The following DISP3 variants were observed in gnomAD, a reference collection of about 807,000 sequenced individuals.
The protein encoded by DISP3 is protein dispatched homolog 3.
DISP3 carries 101 observed loss-of-function variants against 135.3 expected under a neutral mutation model. That is an observed-to-expected ratio of 0.75 (90% CI 0.64 to 0.88). The LOEUF (loss-of-function observed/expected upper bound fraction) is 0.88, where lower values mean the gene tolerates loss of function less well. DISP3 is among the 40% of genes least tolerant of loss of function. The pLI is 0.00. For synonymous variants in DISP3, 856 were observed against 817.0 expected (o/e 1.05, Z -0.81); for missense variants, 1,713 against 1,878.6 (o/e 0.91, Z 1.63).
At chr1:11,494,756 G>GC (rs1641283950) in intron 1 of DISP3, among the ~76,000 whole-genome samples, 1 of 152,206 alleles carries the variant, frequency 6.6e-6, no homozygotes, top group East Asian at 1.9e-4. Flanking sequence ...GCTCCTAATT[G>GC]CCGTTAAATT....
rs2100525882 is a variant in DISP3 at position 11,537,435 on chromosome 1, G to GTCTT, written c.*752_*755dup. On this transcript the variant is annotated 3_prime_UTR_variant, in exon 21 of 21. Transcript: ENST00000294484. ...GCTTTCCTCATGGATCTAAGCCCCT[G>GTCTT]TCTTTCCCACCTGACTCTGAGTGGA... The GTCTT allele has an allele frequency of 6.6e-6, 1 of 152,520 alleles. No individual in the cohort carries two copies. Among genetic ancestry groups the GTCTT allele is most frequent in the Admixed American group, 6.5e-5 (1 of 15,314 alleles). The allele number at this position is 152,520 out of a possible 1,614,324, so 9.4% of individuals were successfully genotyped here.
At chr1:11,500,541 A>C (rs1641474418) in intron 1 of DISP3, among the ~76,000 whole-genome samples, 1 of 152,278 alleles carries the variant, frequency 6.6e-6, no homozygotes, top group Admixed American at 6.5e-5. Flanking sequence ...TTTCCCTTGC[A>C]CCCTGATACT....
intron 2 of DISP3, 76 bp from the exon 3 acceptor site, chr1:11,502,602 G>T: frequency 8.3e-7 from 1 of 1,200,796 alleles, no homozygotes; most frequent in East Asian, 2.5e-5. Context: ...GCTGCAATGA[G>T]ACTGGATGAC....
rs775938629 is a variant in DISP3 at position 11,534,397 on chromosome 1, A to G, written c.3392A>G (p.Lys1131Arg). 2.5e-6 allele frequency: 4 copies of G among 1,614,096 alleles called. No individual in the cohort carries two copies. The highest frequency in any genetic ancestry group is 1.3e-5 in the African/African-American group (1 of 74,944). Residue 1131 changes from lysine (K) to arginine (R), a missense_variant, in exon 18 of 21, where the codon AAA becomes AGA. Coordinates refer to ENST00000294484, the MANE Select transcript of DISP3 (RefSeq NM_020780.2). ...MAFESTTYKGKSSFQTYSDYL... is the reference protein window; with the variant it reads ...MAFESTTYKGRSSFQTYSDYL... ...TCCCCACAGACCACGTACAAGGGCA[A>G]ATCCTCCTTCCAGACCTACTCGGAC...
At chr1:11,526,078 C>T (rs771610436) in intron 12 of DISP3, among the ~76,000 whole-genome samples, 8 of 152,208 alleles carry the variant, frequency 5.3e-5, no homozygotes, top group Non-Finnish European at 7.3e-5. Context: ...CAGGGACACG[C>T]GCCAATTCAT....
rs1235921831 is a variant in DISP3 at position 11,499,068 on chromosome 1, G to A, written c.-3-1922G>A. Among the ~76,000 whole-genome samples, 9 of 152,288 alleles carry A rather than the reference G, an allele frequency of 5.9e-5. No homozygotes were observed. The highest frequency in any genetic ancestry group is 1.7e-4 in the African/African-American group (7 of 41,550). ...GGGAAAGCTTCTTGGAAGAGGTAAC[G>A]CTTGAGCAAGGACTTGCATGATGAA... On this transcript the variant is annotated intron_variant, in intron 1 of 20. Coordinates refer to ENST00000294484, the MANE Select transcript of DISP3 (RefSeq NM_020780.2). The surrounding 1 kb of genome is among the most constrained non-coding windows in gnomAD (Gnocchi z 5.2).
chr1:11,517,631 C>G (rs1233780070), intron 7 of DISP3, 29 bp downstream of exon 7: 8 of 1,608,992 alleles, frequency 5.0e-6, no homozygotes, highest in South Asian at 2.2e-5. Context: ...CCACCCACAG[C>G]AGGGTATCCA....
At chr1:11,518,990 C>T (rs1268793568) in intron 7 of DISP3, among the ~76,000 whole-genome samples, 2 of 152,182 alleles carry the variant, frequency 1.3e-5, no homozygotes, top group Non-Finnish European at 2.9e-5. Flanking sequence ...CTGTTCCCTC[C>T]TCCTGGCTCC....
intron 3 of DISP3, among the ~76,000 whole-genome samples, chr1:11,513,946 AT>A (rs1285812800): frequency 1.7e-5 from 1 of 57,812 alleles, no homozygotes; most frequent in Non-Finnish European, 3.7e-5. Context: ...CAGCCTGGTT[AT>A]GTTTTTTTTT....
At chr1:11,517,241 G>A (rs1422015923) in intron 6 of DISP3, among the ~76,000 whole-genome samples, 1 of 152,234 alleles carries the variant, frequency 6.6e-6, no homozygotes. Flanking sequence ...CTCCACTTGA[G>A]GTGGGGACCC....
At chr1:11,489,254 A>G (rs1266549642) in intron 1 of DISP3, among the ~76,000 whole-genome samples, 1 of 152,166 alleles carries the variant, frequency 6.6e-6, no homozygotes, top group African/African-American at 2.4e-5. Flanking sequence ...TTAGCTTCTG[A>G]TGTATCCTCC....
chr1:11,502,074 T>C lies in DISP3; in HGVS notation c.1082T>C (p.Leu361Pro). The C allele has an allele frequency of 6.4e-7, 1 of 1,564,510 alleles. No individual in the cohort carries two copies. The highest frequency in any genetic ancestry group is 1.2e-5 in the South Asian group (1 of 84,692). ...KIYYDGMGQDLADIRGSLELA... is the reference protein window; with the variant it reads ...KIYYDGMGQDPADIRGSLELA... ...TACTATGACGGCATGGGCCAGGACC[T>C]GGCGGACATCCGGGGTGAGCCGCCG... The change falls in exon 2 of 21, where the codon CTG (leucine) becomes CCG (proline). Residue 361 changes from leucine (L) to proline (P), a missense_variant. Around this residue, in one of 2 missense-constraint regions of DISP3, gnomAD observed 571 missense variants for 494.1 expected, o/e 1.16. Transcript: ENST00000294484.
At chr1:11,488,889 C>A (rs939462208) in intron 1 of DISP3, among the ~76,000 whole-genome samples, 1 of 152,178 alleles carries the variant, frequency 6.6e-6, no homozygotes. Flanking sequence ...GAGGAGAAAA[C>A]CTACGCAAAA....
rs1267847694 is a variant in DISP3 at position 11,491,279 on chromosome 1, C to T, written c.-3-9711C>T. On this transcript the variant is annotated intron_variant, in intron 1 of 20. Coordinates refer to ENST00000294484, the MANE Select transcript of DISP3 (RefSeq NM_020780.2). This position sits in a 1 kb window ranked among gnomAD's most constrained non-coding sequence, Gnocchi z 4.3. Reference sequence around the variant, plus strand: ...TTTTCCAAGAATGCTTCTGGACCGCCTGTATCAGAATCACCTGGGGAGGTG... The same window carrying T: ...TTTTCCAAGAATGCTTCTGGACCGCTTGTATCAGAATCACCTGGGGAGGTG... 6.6e-6 allele frequency among the ~76,000 whole-genome samples: 1 copy of T among 152,178 alleles called. No individual in the cohort carries two copies. Among genetic ancestry groups the T allele is most frequent in the African/African-American group, 2.4e-5 (1 of 41,426 alleles).
Position 11,531,056 on chromosome 1 carries a change from G to A in DISP3, c.3229+23G>A, listed in dbSNP as rs1445322533. On this transcript the variant is annotated intron_variant, in intron 16 of 20. Coordinates refer to ENST00000294484, the MANE Select transcript of DISP3 (RefSeq NM_020780.2). This position sits in a 1 kb window ranked among gnomAD's most constrained non-coding sequence, Gnocchi z 5.2. ...CAGGTGCGTGGGGTGTGGGGAGCTG[G>A]TTCCTCCGAGGGAGGATGGACTGAC... The A allele has an allele frequency of 6.2e-7, 1 of 1,611,752 alleles. No homozygotes were observed. Among genetic ancestry groups the A allele is most frequent in the Non-Finnish European group, 8.5e-7 (1 of 1,179,780 alleles).
At position 11,531,702 on chromosome 1, in the gene DISP3, T is replaced by C. The variant is rs767562554; in HGVS notation, c.3367T>C (p.Phe1123Leu). 1 of 1,600,770 alleles carries C rather than the reference T, an allele frequency of 6.2e-7. No homozygotes were observed. The highest frequency in any genetic ancestry group is 8.5e-7 in the Non-Finnish European group (1 of 1,172,862). The change falls in exon 17 of 21, where the codon TTC becomes CTC. Residue 1123 changes from phenylalanine to leucine, a missense_variant. Coordinates refer to ENST00000294484, the MANE Select transcript of DISP3 (RefSeq NM_020780.2). The surrounding 1 kb of genome is among the most constrained non-coding windows in gnomAD (Gnocchi z 5.2). ...CCGCGTGCAGTGGATCTCCATGGCT[T>C]TCGAGTCGGTGAGCCCAGGCAGCCT... ...EGRVQWISMA[F>L]ESTTYKGKSS...
At chr1:11,526,567 G>A (rs985815702) in intron 12 of DISP3, 84 bp from the exon 13 acceptor site, 1 of 1,434,370 alleles carries the variant, frequency 7.0e-7, no homozygotes, top group African/African-American at 1.4e-5. Context: ...ATGCCGAGGA[G>A]GGAGGGGACG....
At position 11,514,497 on chromosome 1, in the gene DISP3, C is replaced by T; in HGVS notation, c.1424C>T (p.Ala475Val). ...TTCATCAGCAGCAGCTGCATTGCTG[C>T]CCTGGTCTACATCCTCACCTCCTGC... ...LAFISSSCIA[A>V]LVYILTSCSV... Residue 475 changes from alanine (A) to valine (V), a missense_variant, in exon 4 of 21, where the codon GCC becomes GTC. Around this residue, in one of 2 missense-constraint regions of DISP3, gnomAD observed 1,142 missense variants for 1,384.6 expected, o/e 0.82. Coordinates refer to ENST00000294484, the MANE Select transcript of DISP3 (RefSeq NM_020780.2). 6.2e-7 allele frequency: 1 copy of T among 1,614,158 alleles called. No individual in the cohort carries two copies. Among genetic ancestry groups the T allele is most frequent in the Non-Finnish European group, 8.5e-7 (1 of 1,180,006 alleles).
chr1:11,483,634 G>T lies in DISP3; in HGVS notation c.-4+4262G>T, dbSNP rs539522284. ...GTCGAGAAACCTGTTTATATGATGG[G>T]TTTCAAAAGAATGTAAATTCCTCTG... On this transcript the variant is annotated intron_variant, in intron 1 of 20. Coordinates refer to ENST00000294484, the MANE Select transcript of DISP3 (RefSeq NM_020780.2). This position sits in a 1 kb window ranked among gnomAD's most constrained non-coding sequence, Gnocchi z 5.4. Among the ~76,000 whole-genome samples, 1 of 152,322 alleles carries T rather than the reference G, an allele frequency of 6.6e-6. No homozygotes were observed. The highest frequency in any genetic ancestry group is 1.9e-4 in the East Asian group (1 of 5,190).
Sources: gnomAD v4.1 joint callset for allele counts (sites outside exome capture counted in the v4.1 genomes callset) on GRCh38, gnomAD v4.1.1 for gene constraint, gnomAD v4.1.1 regional missense constraint, Gnocchi (gnomAD v3.1) non-coding constraint, MANE v1.5 for transcripts, NCBI Gene and HGNC (gene_info 2026-07-23, HGNC 2026-07-21) for gene names.